CCSER1: variants seen among roughly 807,000 people sequenced by gnomAD.
The protein encoded by CCSER1 is coiled-coil serine rich protein 1.
A neutral mutation model predicts 82.0 loss-of-function variants in CCSER1; 41 were observed. That is an observed-to-expected ratio of 0.50 (90% CI 0.39 to 0.65). The LOEUF (loss-of-function observed/expected upper bound fraction) is 0.65. CCSER1 is among the 30% of genes least tolerant of loss of function. CCSER1 has a pLI of 0.00. For missense variants in CCSER1, 1,119 were observed against 1,064.2 expected, an observed-to-expected ratio of 1.05 and a Z score of -0.72; for synonymous variants, 414 against 383.9, an observed-to-expected ratio of 1.08 and a Z score of -0.92.
At chr4:91,148,979 T>C (rs1218146797) in intron 10 of CCSER1, among the ~76,000 whole-genome samples, 1 of 151,226 alleles carries the variant, frequency 6.6e-6, no homozygotes, top group East Asian at 2.0e-4. Flanking sequence ...GCATGATTTA[T>C]AATCCTTTGG....
chr4:91,319,082 A>G, intron 10 of CCSER1: 1 of 282,688 alleles, frequency 3.5e-6, no homozygotes. Context: ...TTGGTAAGGA[A>G]ATTAACAGAT....
chr4:90,655,054 A>T (rs1729464184), intron 6 of CCSER1, among the ~76,000 whole-genome samples: 1 of 152,030 alleles, frequency 6.6e-6, no homozygotes, highest in Admixed American at 6.6e-5. Flanking sequence ...TTTCATGCAT[A>T]CTGTTCTGTA....
intron 7 of CCSER1, among the ~76,000 whole-genome samples, chr4:90,801,613 T>C (rs998559610): frequency 6.6e-6 from 1 of 152,164 alleles, no homozygotes; most frequent in African/African-American, 2.4e-5. Flanking sequence ...GCTAAAAAAA[T>C]ACATTTCTAA....
At chr4:91,075,756 G>A (rs1481183037) in intron 9 of CCSER1, among the ~76,000 whole-genome samples, 3 of 152,098 alleles carry the variant, frequency 2.0e-5, no homozygotes, top group Non-Finnish European at 4.4e-5. Flanking sequence ...AGGTGTTTGG[G>A]TTATTTTAGA....
At chr4:90,283,092 GAA>G (rs1184284860) in intron 1 of CCSER1, among the ~76,000 whole-genome samples, 3 of 151,894 alleles carry the variant, frequency 2.0e-5, no homozygotes, top group Middle Eastern at 3.2e-3. Context: ...TCTACTACAT[GAA>G]ACAGAGGGGG....
At chr4:91,229,562 A>G (rs1212617205) in intron 10 of CCSER1, among the ~76,000 whole-genome samples, 1 of 152,148 alleles carries the variant, frequency 6.6e-6, no homozygotes, top group African/African-American at 2.4e-5. Flanking sequence ...ACTATTCACA[A>G]TAGCAAAGAC....
At chr4:91,388,605 T>A (rs1751457632) in intron 10 of CCSER1, among the ~76,000 whole-genome samples, 1 of 152,060 alleles carries the variant, frequency 6.6e-6, no homozygotes. Context: ...TTCTTATAGG[T>A]GTGTAGTGGT....
intron 6 of CCSER1, among the ~76,000 whole-genome samples, chr4:90,702,307 T>A (rs1738322274): frequency 6.6e-6 from 1 of 152,208 alleles, no homozygotes; most frequent in Admixed American, 6.5e-5. Flanking sequence ...CAGCCTTGCA[T>A]CCCAGGGATG....
chr4:91,442,493 A>G (rs1755243280), intron 10 of CCSER1, among the ~76,000 whole-genome samples: 1 of 135,174 alleles, frequency 7.4e-6, no homozygotes, highest in Admixed American at 7.7e-5. Context: ...AAAGACTTAA[A>G]CGTTAGACCT....
chr4:90,956,588 G>C (rs1035790384), intron 9 of CCSER1, among the ~76,000 whole-genome samples: 3 of 152,060 alleles, frequency 2.0e-5, no homozygotes, highest in Non-Finnish European at 2.9e-5. Context: ...TGCTGTATAT[G>C]AGACATAGAG....
chr4:91,124,973 T>C (rs1456562425), intron 10 of CCSER1, among the ~76,000 whole-genome samples: 1 of 151,784 alleles, frequency 6.6e-6, no homozygotes, highest in African/African-American at 2.4e-5. Context: ...ACATGTTACT[T>C]GTGTAAGTGA....
rs187787455 is a variant in CCSER1 at position 90,408,991 on chromosome 4, C to T, written c.1603+8862C>T. 6.6e-5 allele frequency among the ~76,000 whole-genome samples: 10 copies of T among 152,248 alleles called. No individual in the cohort carries two copies. In the East Asian group the frequency reaches 1.9e-3, roughly 29 times the overall value. The stretch of plus-strand genomic sequence containing the variant: ...AGAACTACGTGATGAATGCACAAGC[C>T]TCAGTAACTGATGCGATCAACTGGA... On this transcript the variant is annotated intron_variant, in intron 4 of 10. Transcript: ENST00000509176.
intron 1 of CCSER1, among the ~76,000 whole-genome samples, chr4:90,266,325 C>T (rs908855894): frequency 3.3e-5 from 5 of 152,016 alleles, no homozygotes; most frequent in Non-Finnish European, 7.4e-5. Flanking sequence ...TAAGAAAACT[C>T]ATGAAATGTT....
intron 4 of CCSER1, among the ~76,000 whole-genome samples, chr4:90,458,517 TA>T (rs1382471677): frequency 2.0e-5 from 3 of 151,870 alleles, no homozygotes; most frequent in African/African-American, 7.3e-5. Context: ...CATGCCTGGC[TA>T]ATTTTTTTTT....
intron 10 of CCSER1, among the ~76,000 whole-genome samples, chr4:91,390,465 A>G (rs1033510319): frequency 6.6e-6 from 1 of 151,868 alleles, no homozygotes; most frequent in Non-Finnish European, 1.5e-5. Context: ...AGTTTTGTGT[A>G]TGTGTTAAAG....
intron 10 of CCSER1, among the ~76,000 whole-genome samples, chr4:91,148,831 T>A (rs1326983553): frequency 1.3e-5 from 2 of 152,204 alleles, no homozygotes; most frequent in Non-Finnish European, 2.9e-5. Context: ...TTTTTATGGC[T>A]GCATAGTATT....
chr4:91,597,198 G>T (rs1382910010), intron 10 of CCSER1, among the ~76,000 whole-genome samples: 1 of 152,006 alleles, frequency 6.6e-6, no homozygotes, highest in Non-Finnish European at 1.5e-5. Flanking sequence ...CAAACTCTGT[G>T]CTACAATTTT....
rs563721225 is a variant in CCSER1, at chr4:90,476,007, T to C, written c.1724+7653T>C. 1.1e-4 allele frequency among the ~76,000 whole-genome samples: 16 copies of C among 150,864 alleles called. 1 individual carries two copies. The East Asian group carries it at 3.1e-3, about 29-fold the overall frequency. ...AGCCCTAGAAGCAATCCTGGAAATTTTTCCTTCTTTTCTCGTGTGTGTGTG... is the reference window on the plus strand; with the variant it reads ...AGCCCTAGAAGCAATCCTGGAAATTCTTCCTTCTTTTCTCGTGTGTGTGTG... On this transcript the variant is annotated intron_variant, in intron 5 of 10. Transcript: ENST00000509176.
chr4:90,567,307 ATT>A (rs34947960), intron 5 of CCSER1, among the ~76,000 whole-genome samples: 56 of 138,656 alleles, frequency 4.0e-4, no homozygotes, highest in African/African-American at 9.6e-4. Context: ...TTGTCTCTGG[ATT>A]TTTTTTTTTT....
Sources: gnomAD v4.1 joint callset for allele counts (sites outside exome capture counted in the v4.1 genomes callset) on GRCh38, gnomAD v4.1.1 for gene constraint, MANE v1.5 for transcripts, NCBI Gene and HGNC (gene_info 2026-07-23, HGNC 2026-07-21) for gene names.